TMEM178B: variants seen among roughly 807,000 people sequenced by gnomAD.
TMEM178B encodes transmembrane protein 178B.
TMEM178B carries 5 observed loss-of-function variants against 31.0 expected under a neutral mutation model. The observed-to-expected ratio is 0.16, with a 90% CI of 0.08 to 0.34. The LOEUF is 0.34. TMEM178B is among the 10% of genes least tolerant of loss of function. The pLI, the probability that TMEM178B is intolerant of heterozygous loss-of-function variation, is 1.00. For missense variants in TMEM178B, 275 were observed against 400.3 expected, an observed-to-expected ratio of 0.69 and a Z score of 2.67; for synonymous variants, 164 against 164.0, an observed-to-expected ratio of 1.00 and a Z score of 0.00.
the TMEM178B span, among the ~76,000 whole-genome samples, chr7:141,486,569 C>T: frequency 1.3e-5 from 2 of 152,030 alleles, no homozygotes; most frequent in Non-Finnish European, 2.9e-5. Context: ...CCCTTGGTTC[C>T]CTACACTACT....
intron 2 of TMEM178B, among the ~76,000 whole-genome samples, chr7:141,236,929 ATATGG>A (rs1797537270): frequency 6.6e-6 from 1 of 152,266 alleles, no homozygotes; most frequent in Non-Finnish European, 1.5e-5. Flanking sequence ...AACTTTCCAA[ATATGG>A]TAAGAGGGCA....
intron 2 of TMEM178B, among the ~76,000 whole-genome samples, chr7:141,386,084 T>C (rs189307121): frequency 1.3e-5 from 2 of 152,310 alleles, no homozygotes; most frequent in Admixed American, 1.3e-4. Context: ...GGACCAGAAA[T>C]CTTGGGCCTT....
At chr7:141,236,692 G>T (rs1046119539) in intron 2 of TMEM178B, among the ~76,000 whole-genome samples, 1 of 152,190 alleles carries the variant, frequency 6.6e-6, no homozygotes, top group African/African-American at 2.4e-5. Flanking sequence ...TTGAGAGTGG[G>T]AACAGTCAAT....
rs116391499 is a variant in TMEM178B, at chr7:141,365,374, T to G, written c.497-72234T>G. ...CGCTTCTGACTTGATGCCCTCGCAG[T>G]GTGCTGTGAGATGGTGGCCACCAGC... On this transcript the variant is annotated intron_variant, in intron 2 of 3. Transcript: ENST00000565468. Among the ~76,000 whole-genome samples, 550 of 152,324 alleles carry G rather than the reference T, an allele frequency of 3.6e-3. 1 individual carries two copies. Among genetic ancestry groups the G allele is most frequent in the African/African-American group, 0.011 (475 of 41,578 alleles).
Position 141,339,491 on chromosome 7 carries a change from C to T in TMEM178B, c.497-98117C>T, listed in dbSNP as rs115094260. Among the ~76,000 whole-genome samples the T allele has an allele frequency of 9.1e-3, 1,384 of 152,190 alleles. 19 individuals carry two copies. The highest frequency in any genetic ancestry group is 0.029 in the African/African-American group (1,211 of 41,514). On this transcript the variant is annotated intron_variant, in intron 2 of 3. Transcript: ENST00000565468. Reference sequence around the variant, plus strand: ...TCAGGCCAAGCAGGGGGTCAGAAAACCAAGACTACACTTCAGCAAAAGATC... The same window carrying T: ...TCAGGCCAAGCAGGGGGTCAGAAAATCAAGACTACACTTCAGCAAAAGATC...
At chr7:141,214,738 AG>A (rs1354662276) in intron 2 of TMEM178B, among the ~76,000 whole-genome samples, 2 of 152,098 alleles carry the variant, frequency 1.3e-5, no homozygotes, top group African/African-American at 4.8e-5. Flanking sequence ...GCGTGTCTCC[AG>A]GTTCTTATTC....
intron 3 of TMEM178B, among the ~76,000 whole-genome samples, chr7:141,452,968 A>G (rs1475818299): frequency 6.6e-6 from 1 of 152,236 alleles, no homozygotes; most frequent in Non-Finnish European, 1.5e-5. Context: ...CATGAACCAC[A>G]GGTGTTCCAG....
At chr7:141,300,796 C>T (rs1360771319) in intron 2 of TMEM178B, among the ~76,000 whole-genome samples, 1 of 152,190 alleles carries the variant, frequency 6.6e-6, no homozygotes, top group Non-Finnish European at 1.5e-5. Flanking sequence ...TACTTCTTCC[C>T]GTTGCCAGAC....
chr7:141,192,083 A>G (rs1796706097), intron 1 of TMEM178B, among the ~76,000 whole-genome samples: 1 of 152,210 alleles, frequency 6.6e-6, no homozygotes, highest in African/African-American at 2.4e-5. Context: ...TATTAAATAA[A>G]CCATCATTTC....
the TMEM178B span, among the ~76,000 whole-genome samples, chr7:141,500,284 A>C: frequency 6.6e-6 from 1 of 152,176 alleles, no homozygotes; most frequent in Non-Finnish European, 1.5e-5. Context: ...ACAGGTGTAC[A>C]AGGTGAGGCA....
chr7:141,216,336 T>C (rs921338852), intron 2 of TMEM178B, among the ~76,000 whole-genome samples: 1 of 151,838 alleles, frequency 6.6e-6, no homozygotes, highest in Non-Finnish European at 1.5e-5. Context: ...GGTGAAAGGG[T>C]AGAAGATTCT....
At chr7:141,128,194 G>A (rs1795537264) in intron 1 of TMEM178B, among the ~76,000 whole-genome samples, 1 of 152,168 alleles carries the variant, frequency 6.6e-6, no homozygotes, top group Non-Finnish European at 1.5e-5. Context: ...CAGGCAAACT[G>A]GGACAACTGG....
intron 2 of TMEM178B, among the ~76,000 whole-genome samples, chr7:141,402,382 T>C (rs1174799238): frequency 6.6e-6 from 1 of 152,166 alleles, no homozygotes; most frequent in Admixed American, 6.5e-5. Context: ...GGGAGTCCGG[T>C]CTCTTTCATA....
intron 2 of TMEM178B, among the ~76,000 whole-genome samples, chr7:141,330,429 T>A (rs6961045): frequency 6.6e-6 from 1 of 152,130 alleles, no homozygotes; most frequent in African/African-American, 2.4e-5. Flanking sequence ...TCCGGCTCCA[T>A]CCATGTTCCT....
chr7:141,134,210 A>G (rs1795638566), intron 1 of TMEM178B, among the ~76,000 whole-genome samples: 1 of 152,162 alleles, frequency 6.6e-6, no homozygotes, highest in Non-Finnish European at 1.5e-5. Flanking sequence ...ACTTCAGCCT[A>G]GGCAACAGAG....
intron 2 of TMEM178B, among the ~76,000 whole-genome samples, chr7:141,337,264 A>G (rs1045011462): frequency 3.6e-5 from 4 of 111,898 alleles, no homozygotes; most frequent in Admixed American, 1.9e-4. Flanking sequence ...CATCATCACC[A>G]CCACCACCAT....
intron 2 of TMEM178B, among the ~76,000 whole-genome samples, chr7:141,407,030 C>T (rs976786776): frequency 6.6e-6 from 1 of 152,226 alleles, no homozygotes; most frequent in African/African-American, 2.4e-5. Context: ...CAAATTATGG[C>T]CCATGGGCCA....
intron 1 of TMEM178B, among the ~76,000 whole-genome samples, chr7:141,180,905 T>C (rs1239817975): frequency 6.6e-6 from 1 of 152,194 alleles, no homozygotes; most frequent in Non-Finnish European, 1.5e-5. Flanking sequence ...CTGTCCTCTG[T>C]TGTTTCTAAA....
intron 3 of TMEM178B, among the ~76,000 whole-genome samples, chr7:141,438,936 G>A (rs1187555582): frequency 6.6e-6 from 1 of 151,682 alleles, no homozygotes; most frequent in Non-Finnish European, 1.5e-5. Context: ...AGTAAGTCCT[G>A]CATTTAGAAA....
Sources: allele counts gnomAD v4.1 joint callset (sites outside exome capture counted in the v4.1 genomes callset), GRCh38; gene constraint gnomAD v4.1.1; transcripts MANE v1.5; gene names NCBI Gene and HGNC (gene_info 2026-07-23, HGNC 2026-07-21).